Variants in CCDC91 observed in about 807,000 individuals in gnomAD.
CCDC91 encodes coiled-coil domain-containing protein 91.
CCDC91 carries 48 observed loss-of-function variants against 63.2 expected under a neutral mutation model. The observed-to-expected ratio is 0.76, with a 90% confidence interval of 0.60 to 0.97. The LOEUF (loss-of-function observed/expected upper bound fraction) is 0.97. CCDC91 is among the 50% of genes least tolerant of loss of function. CCDC91 has a pLI of 0.00. For synonymous variants in CCDC91, 167 were observed against 165.8 expected (o/e 1.01, Z -0.06); for missense variants, 500 against 494.6 (o/e 1.01, Z -0.10).
At chr12:28,462,978 C>T (rs1194061614) in intron 11 of CCDC91, among the ~76,000 whole-genome samples, 1 of 152,054 alleles carries the variant, frequency 6.6e-6, no homozygotes, top group African/African-American at 2.4e-5. Context: ...GAAATCATTC[C>T]AAGCTCAGAG....
chr12:28,192,951 G>A (rs11049419), intron 1 of CCDC91, among the ~76,000 whole-genome samples: 41,964 of 151,958 alleles, frequency 0.28, 6,031 homozygotes, highest in Non-Finnish European at 0.31. Flanking sequence ...CTCTGTCCCT[G>A]TCTATAGCTT....
At chr12:28,519,983 T>C (rs1940433210) in intron 12 of CCDC91, among the ~76,000 whole-genome samples, 1 of 152,088 alleles carries the variant, frequency 6.6e-6, no homozygotes, top group Admixed American at 6.6e-5. Context: ...TGATGGGCAT[T>C]TGGGTTGGTT....
intron 7 of CCDC91, among the ~76,000 whole-genome samples, chr12:28,382,273 A>G (rs191544164): frequency 6.6e-6 from 1 of 151,674 alleles, no homozygotes; most frequent in East Asian, 1.9e-4. Context: ...TGGGAGGAAA[A>G]TACTAATTTT....
At chr12:28,239,912 T>G (rs964068895) in intron 1 of CCDC91, among the ~76,000 whole-genome samples, 1 of 152,182 alleles carries the variant, frequency 6.6e-6, no homozygotes, top group Non-Finnish European at 1.5e-5. Context: ...TTGACAAATC[T>G]GGAGAACAGT....
chr12:28,318,778 G>A (rs1047675733), intron 6 of CCDC91, among the ~76,000 whole-genome samples: 1 of 151,936 alleles, frequency 6.6e-6, no homozygotes, highest in African/African-American at 2.4e-5. Context: ...GGAACTAAAT[G>A]GAACAGTTTT....
chr12:28,253,499 A>G (rs1946254208), intron 1 of CCDC91, among the ~76,000 whole-genome samples: 1 of 152,166 alleles, frequency 6.6e-6, no homozygotes, highest in Non-Finnish European at 1.5e-5. Context: ...GTCTTAGCAT[A>G]TACCTATGAC....
intron 6 of CCDC91, among the ~76,000 whole-genome samples, chr12:28,352,387 A>T (rs1330200274): frequency 6.6e-6 from 1 of 152,176 alleles, no homozygotes; most frequent in Non-Finnish European, 1.5e-5. Flanking sequence ...CATTTTACCC[A>T]AAATAAAACT....
At chr12:28,525,060 T>C (rs1433508397) in intron 12 of CCDC91, among the ~76,000 whole-genome samples, 1 of 152,186 alleles carries the variant, frequency 6.6e-6, no homozygotes, top group Non-Finnish European at 1.5e-5. Context: ...TTTTGTTTCA[T>C]GTATCTTTTG....
At chr12:28,497,039 A>G (rs1332492458) in intron 12 of CCDC91, among the ~76,000 whole-genome samples, 3 of 150,048 alleles carry the variant, frequency 2.0e-5, no homozygotes, top group African/African-American at 7.3e-5. Flanking sequence ...TTACTCAGGG[A>G]TATTTCATAT....
intron 12 of CCDC91, among the ~76,000 whole-genome samples, chr12:28,485,706 C>T (rs1240072640): frequency 1.3e-5 from 2 of 152,162 alleles, no homozygotes; most frequent in East Asian, 3.8e-4. Context: ...TGATAGATGC[C>T]TAACCTTCTA....
At chr12:28,351,970 C>T (rs1409762441) in intron 6 of CCDC91, among the ~76,000 whole-genome samples, 1 of 152,084 alleles carries the variant, frequency 6.6e-6, no homozygotes, top group Non-Finnish European at 1.5e-5. Flanking sequence ...ACAGGCATGC[C>T]TTGGAGATAC....
intron 1 of CCDC91, among the ~76,000 whole-genome samples, chr12:28,206,954 GT>G (rs1942902629): frequency 6.6e-6 from 1 of 152,190 alleles, no homozygotes; most frequent in African/African-American, 2.4e-5. Context: ...GTTAAGAGGA[GT>G]GAATCAATGT....
At chr12:28,397,873 C>G (rs1475059421) in intron 8 of CCDC91, among the ~76,000 whole-genome samples, 5 of 152,090 alleles carry the variant, frequency 3.3e-5, no homozygotes, top group African/African-American at 9.7e-5. Flanking sequence ...CCAAGCCTGG[C>G]TTTTGCCCAT....
intron 12 of CCDC91, 149 bp from the exon 13 acceptor site, chr12:28,548,914 A>G (rs1342765831): frequency 3.6e-6 from 2 of 548,606 alleles, no homozygotes; most frequent in Non-Finnish European, 6.6e-6. Flanking sequence ...GAGTGACTTT[A>G]CTGTCATTCA....
intron 6 of CCDC91, among the ~76,000 whole-genome samples, chr12:28,322,211 G>T (rs1386741638): frequency 2.0e-5 from 3 of 151,868 alleles, no homozygotes; most frequent in Non-Finnish European, 4.4e-5. Context: ...TAAAATTACA[G>T]GATAGTTGCT....
chr12:28,311,051 G>T (rs1390242348), intron 6 of CCDC91, among the ~76,000 whole-genome samples: 1 of 151,828 alleles, frequency 6.6e-6, no homozygotes, highest in East Asian at 1.9e-4. Flanking sequence ...TATTTTAGCA[G>T]GCCTCATCTG....
At chr12:28,244,741 T>C (rs993300759) in intron 1 of CCDC91, among the ~76,000 whole-genome samples, 7 of 151,676 alleles carry the variant, frequency 4.6e-5, no homozygotes, top group African/African-American at 1.7e-4. Context: ...GCCAGTTTGG[T>C]CTGTCTCACA....
chr12:28,475,029 A>G (rs556073929), intron 11 of CCDC91, among the ~76,000 whole-genome samples: 7 of 152,214 alleles, frequency 4.6e-5, no homozygotes, highest in Admixed American at 1.3e-4. Flanking sequence ...ATAATATTCT[A>G]CTTCTTAAAC....
intron 11 of CCDC91, among the ~76,000 whole-genome samples, chr12:28,465,513 A>G (rs1475376102): frequency 6.6e-6 from 1 of 152,224 alleles, no homozygotes; most frequent in African/African-American, 2.4e-5. Context: ...CTAAGGAATG[A>G]GAACAAGAAT....
Sources: allele counts gnomAD v4.1 joint callset (sites outside exome capture counted in the v4.1 genomes callset), GRCh38; gene constraint gnomAD v4.1.1; transcripts MANE v1.5; gene names NCBI Gene and HGNC (gene_info 2026-07-23, HGNC 2026-07-21).